CUX1: variants seen among roughly 807,000 people sequenced by gnomAD.
CUX1 encodes protein CASP.
Under a neutral mutation model 158.8 loss-of-function variants are expected in CUX1, and 31 were observed. The ratio of observed to expected loss-of-function variants is 0.20; its 90% CI spans 0.15 to 0.26. The LOEUF (loss-of-function observed/expected upper bound fraction) is 0.26, where lower values mean the gene tolerates loss of function less well. CUX1 is among the 10% of genes least tolerant of loss of function. The pLI is 1.00. For synonymous variants in CUX1, 879 were observed against 862.1 expected, an observed-to-expected ratio of 1.02 and a Z score of -0.34; for missense variants, 1,589 against 2,014.6, an observed-to-expected ratio of 0.79 and a Z score of 4.04.
Position 101,931,514 on chromosome 7 carries a change from A to G in CUX1, c.141+15289A>G, listed in dbSNP as rs553741484. Among the ~76,000 whole-genome samples, 4 of 152,320 alleles carry G rather than the reference A, an allele frequency of 2.6e-5. No individual in the cohort carries two copies. In the East Asian group the frequency reaches 7.7e-4, roughly 29 times the overall value. ...TTATTTCTGTTTCAAAGAGAGGGAA[A>G]CTGAGGCCCAGAGAGGAGGAGTAAC... On this transcript the variant is annotated intron_variant, in intron 2 of 23. Coordinates refer to ENST00000292535, the MANE Select transcript of CUX1 (RefSeq NM_181552.4).
At chr7:102,205,197 G>A (rs201511658) in intron 20 of CUX1, 27 bp downstream of exon 20, 6 of 1,554,438 alleles carry the variant, frequency 3.9e-6, no homozygotes, top group Non-Finnish European at 5.3e-6. Context: ...TGTTGCTTTT[G>A]CATGAAATGT....
intron 9 of CUX1, among the ~76,000 whole-genome samples, chr7:102,166,833 A>G (rs189269135): frequency 9.9e-5 from 15 of 152,108 alleles, no homozygotes; most frequent in Admixed American, 3.3e-4. Context: ...CTGAATAACT[A>G]TGTGATCAGA....
intron 2 of CUX1, among the ~76,000 whole-genome samples, chr7:102,021,268 T>C (rs1819304339): frequency 6.6e-6 from 1 of 152,178 alleles, no homozygotes; most frequent in Non-Finnish European, 1.5e-5. Context: ...CAAGTTACTG[T>C]AGGATGAAAA....
At chr7:101,907,990 G>A (rs1194853662) in intron 1 of CUX1, among the ~76,000 whole-genome samples, 3 of 152,072 alleles carry the variant, frequency 2.0e-5, no homozygotes, top group Admixed American at 6.6e-5. Context: ...ACTTTTAGGA[G>A]TAGGCATTAC....
chr7:101,901,918 A>G (rs1262304760), intron 1 of CUX1, among the ~76,000 whole-genome samples: 1 of 152,264 alleles, frequency 6.6e-6, no homozygotes, highest in Non-Finnish European at 1.5e-5. Context: ...GCAGACAGAA[A>G]TGTTGGCTCT....
chr7:101,823,810 A>G (rs1792951002), intron 1 of CUX1, among the ~76,000 whole-genome samples: 1 of 152,208 alleles, frequency 6.6e-6, no homozygotes, highest in South Asian at 2.1e-4. Flanking sequence ...ATTGCGAAAC[A>G]GTGAGAAATA....
intron 1 of CUX1, among the ~76,000 whole-genome samples, chr7:101,883,359 G>A (rs1035339442): frequency 2.0e-5 from 3 of 152,162 alleles, no homozygotes; most frequent in Admixed American, 6.5e-5. Flanking sequence ...ACTAGCATGA[G>A]ATAGTAATTG....
intron 1 of CUX1, among the ~76,000 whole-genome samples, chr7:101,875,372 C>T (rs1255247555): frequency 6.6e-6 from 1 of 152,130 alleles, no homozygotes; most frequent in East Asian, 1.9e-4. Flanking sequence ...TTGCATTAGA[C>T]AATGATTTCT....
downstream of CUX1, among the ~76,000 whole-genome samples, chr7:102,260,908 T>A (rs1334908727): frequency 6.6e-6 from 1 of 152,216 alleles, no homozygotes; most frequent in African/African-American, 2.4e-5. Context: ...CATGCCAGCT[T>A]TGGGGGCACA....
At chr7:102,208,159 A>G (rs1435420637) in intron 20 of CUX1, among the ~76,000 whole-genome samples, 2 of 152,038 alleles carry the variant, frequency 1.3e-5, no homozygotes, top group Admixed American at 6.6e-5. Flanking sequence ...CTGCACTCCA[A>G]GCTGGGTGAC....
At chr7:102,266,752 C>T (rs1216767663) in intron 14 of CUX1, among the ~76,000 whole-genome samples, 3 of 151,990 alleles carry the variant, frequency 2.0e-5, no homozygotes, top group African/African-American at 4.8e-5. Flanking sequence ...CAGATGAGAG[C>T]CGAAAAACAA....
chr7:102,152,417 TTTTG>T (rs573382589), intron 8 of CUX1, among the ~76,000 whole-genome samples: 77 of 152,164 alleles, frequency 5.1e-4, no homozygotes, highest in African/African-American at 1.6e-3. Flanking sequence ...GTTTGTTTGT[TTTTG>T]TTTGTTTGTT....
intron 20 of CUX1, among the ~76,000 whole-genome samples, chr7:102,219,279 TG>T (rs566369317): frequency 1.3e-5 from 2 of 150,940 alleles, no homozygotes; most frequent in South Asian, 4.2e-4. Context: ...TTGGTGGGGG[TG>T]GGGGGGACAT....
chr7:101,958,333 C>T (rs538575074), intron 2 of CUX1, among the ~76,000 whole-genome samples: 1 of 150,688 alleles, frequency 6.6e-6, no homozygotes, highest in Middle Eastern at 3.4e-3. Context: ...GGAACTGGGC[C>T]CTACTTGGGA....
chr7:101,951,875 A>C (rs1809104615), intron 2 of CUX1, among the ~76,000 whole-genome samples: 1 of 152,240 alleles, frequency 6.6e-6, no homozygotes, highest in Non-Finnish European at 1.5e-5. Context: ...CAGATGGTAA[A>C]ATACTGTAGG....
At chr7:101,936,204 G>A (rs1376371253) in intron 2 of CUX1, among the ~76,000 whole-genome samples, 1 of 151,308 alleles carries the variant, frequency 6.6e-6, no homozygotes, top group African/African-American at 2.4e-5. Context: ...CATAGAGACA[G>A]TGGGTTTTGA....
chr7:102,053,376 A>G (rs1221583093), intron 3 of CUX1, among the ~76,000 whole-genome samples: 1 of 152,224 alleles, frequency 6.6e-6, no homozygotes, highest in African/African-American at 2.4e-5. Flanking sequence ...CAGGCATGCT[A>G]CGTGTAATAA....
chr7:101,891,617 G>A (rs556565887), intron 1 of CUX1, among the ~76,000 whole-genome samples: 2 of 152,284 alleles, frequency 1.3e-5, no homozygotes, highest in East Asian at 1.9e-4. Context: ...AAGACAGCCC[G>A]TACCTTCTTG....
rs1799928556 is a variant in CUX1 at position 102,239,421 on chromosome 7, C to T, written c.3724C>T (p.His1242Tyr). The T allele has an allele frequency of 6.2e-7, 1 of 1,613,852 alleles. No homozygotes were observed. Among genetic ancestry groups the T allele is most frequent in the African/African-American group, 1.3e-5 (1 of 75,038 alleles). The change falls in exon 23 of 24, where the codon CAC (histidine) becomes TAC (tyrosine). Residue 1242 changes from histidine to tyrosine, a missense_variant. His to Tyr is a moderately conservative substitution (Grantham distance 83, BLOSUM62 2). Transcript: ENST00000292535. ...CCAGGGCGCCAGCCCCCAGCCCCAG[C>T]ACCAGCTGAAGAAACCCCGGGTGGT... ...YSQGASPQPQ[H>Y]QLKKPRVVLA...
Sources: gnomAD v4.1 joint callset for allele counts (sites outside exome capture counted in the v4.1 genomes callset) on GRCh38, gnomAD v4.1.1 for gene constraint, MANE v1.5 for transcripts, NCBI Gene and HGNC (gene_info 2026-07-23, HGNC 2026-07-21) for gene names.